Variants in POGLUT3 observed in about 807,000 individuals in gnomAD.
POGLUT3 encodes protein O-glucosyltransferase 3.
In POGLUT3, 48 loss-of-function variants were observed where a neutral mutation model predicts 54.3. That is an observed-to-expected ratio of 0.88 (90% CI 0.70 to 1.12). POGLUT3 has a LOEUF of 1.12. Ranked by LOEUF, POGLUT3 falls within the 50% of genes most tolerant of loss-of-function variation. POGLUT3 has a pLI of 0.00. For synonymous variants in POGLUT3, 218 were observed against 237.4 expected, an observed-to-expected ratio of 0.92 and a Z score of 0.75; for missense variants, 629 against 618.7, an observed-to-expected ratio of 1.02 and a Z score of -0.18.
chr11:108,498,028 A>C, intron 1 of POGLUT3, 137 bp downstream of exon 1: 2 of 645,048 alleles, frequency 3.1e-6, no homozygotes, highest in Non-Finnish European at 4.9e-6. Flanking sequence ...GGAGGAGGGA[A>C]GAGGAGCTGA....
At chr11:108,498,037 G>T in intron 1 of POGLUT3, 128 bp downstream of exon 1, 1 of 767,148 alleles carries the variant, frequency 1.3e-6, no homozygotes, top group Non-Finnish European at 1.9e-6. Flanking sequence ...AAGAGGAGCT[G>T]ACCAGACCCA....
At chr11:108,494,885 G>C (rs2093619400) in intron 1 of POGLUT3, among the ~76,000 whole-genome samples, 1 of 152,062 alleles carries the variant, frequency 6.6e-6, no homozygotes, top group East Asian at 1.9e-4. Context: ...GAATATAATA[G>C]TATCAACAGG....
At position 108,486,888 on chromosome 11, in the gene POGLUT3, G is replaced by T. The variant is rs1348980483; in HGVS notation, c.401-448C>A. 3 of 158,022 alleles carry T rather than the reference G, an allele frequency of 1.9e-5. No homozygotes were observed. In the South Asian group the frequency reaches 5.6e-4, roughly 29 times the overall value. 9.8% of individuals were successfully genotyped at this position (158,022 alleles called of 1,614,324 possible). On this transcript the variant is annotated intron_variant, in intron 2 of 7. Transcript: ENST00000323468. ...CTGAAAAACTAGTTCGGCCACGAAG[G>T]GAAAGGGGAACCAGGCATGCCTCAT...
At position 108,486,428 on chromosome 11, in the gene POGLUT3, T is replaced by C. The variant is rs2093603630; in HGVS notation, c.413A>G (p.His138Arg). ...SPYILKGPVY[H>R]EYCECPEDPQ... ...ATCTTCCGGACACTCACAGTACTCA[T>C]GGTACACTGGTCCTAGGGAAGGAAA... The change falls in exon 3 of 8, where the codon CAT becomes CGT. Residue 138 changes from histidine to arginine, a missense_variant. His to Arg is a conservative substitution (Grantham distance 29). Coordinates refer to ENST00000323468, the MANE Select transcript of POGLUT3 (RefSeq NM_153705.5). 2 of 1,613,688 alleles carry C rather than the reference T, an allele frequency of 1.2e-6. No individual in the cohort carries two copies. The highest frequency in any genetic ancestry group is 4.5e-5 in the East Asian group (2 of 44,856).
In POGLUT3 at chr11:108,472,812, A is replaced by T. The variant is rs1239638818; in HGVS notation, c.*2015T>A. 6.6e-6 allele frequency: 1 copy of T among 152,206 alleles called. No individual in the cohort carries two copies. The highest frequency in any genetic ancestry group is 1.5e-5 in the Non-Finnish European group (1 of 68,036). The allele number at this position is 152,206 out of a possible 1,614,324, so 9.4% of individuals were successfully genotyped here. On this transcript the variant is annotated 3_prime_UTR_variant, in exon 8 of 8. Transcript: ENST00000323468. ...ACAATATTTAAGACACAAATTCATT[A>T]GGTATGGGCTCAGGACAGCTTGCTC...
Position 108,473,692 on chromosome 11 carries a change from ATGAATGCCTTTCACCTGACTACAGT to A in POGLUT3, c.*1110_*1134del, listed in dbSNP as rs1422725854. The A allele has an allele frequency of 6.6e-6, 1 of 152,216 alleles. No homozygotes were observed. The highest frequency in any genetic ancestry group is 1.5e-5 in the Non-Finnish European group (1 of 68,044). 9.4% of individuals were successfully genotyped at this position (152,216 alleles called of 1,614,324 possible). A position where few individuals can be genotyped will look rare whatever the true frequency, so the allele number is the denominator to read the frequency against. On this transcript the variant is annotated 3_prime_UTR_variant, in exon 8 of 8. Coordinates refer to ENST00000323468, the MANE Select transcript of POGLUT3 (RefSeq NM_153705.5). The stretch of plus-strand genomic sequence containing the variant: ...GGATCCCCTTTTCAGCTTAAAAATA[ATGAATGCCTTTCACCTGACTACAGT>A]TATCTTTCACCTATTCAATATAGAG...
At chr11:108,476,017 G>C (rs2093581014) in intron 7 of POGLUT3, among the ~76,000 whole-genome samples, 1 of 152,100 alleles carries the variant, frequency 6.6e-6, no homozygotes, top group Non-Finnish European at 1.5e-5. Flanking sequence ...TGGTGGTGTA[G>C]TCCCAGCTAC....
intron 2 of POGLUT3, chr11:108,486,656 A>G: frequency 1.9e-6 from 1 of 514,456 alleles, no homozygotes. Context: ...GCCCTCTCCC[A>G]ATCTAACCTA....
rs1025710429 is a variant in POGLUT3, at chr11:108,472,809, A to G, written c.*2018T>C. ...TGTACAATATTTAAGACACAAATTC[A>G]TTAGGTATGGGCTCAGGACAGCTTG... On this transcript the variant is annotated 3_prime_UTR_variant, in exon 8 of 8. Transcript: ENST00000323468. 8.5e-5 allele frequency: 13 copies of G among 152,192 alleles called. No individual in the cohort carries two copies. 9.4% of individuals were successfully genotyped at this position (152,192 alleles called of 1,614,324 possible).
chr11:108,492,051 A>G (rs1335627387), intron 1 of POGLUT3, among the ~76,000 whole-genome samples: 1 of 151,874 alleles, frequency 6.6e-6, no homozygotes, highest in Non-Finnish European at 1.5e-5. Flanking sequence ...GAGAGATTAC[A>G]GCTAGTTACC....
chr11:108,481,382 A>G lies in POGLUT3; in HGVS notation c.902-6T>C, dbSNP rs2093592219. On this transcript the variant is annotated splice_polypyrimidine_tract_variant and splice_region_variant and intron_variant, in intron 4 of 7. Transcript: ENST00000323468. ...TTTATTGATCCAGGAAGGCCCTACA[A>G]GTTTGAAGCCATAAAAAAATTAGGA... 1 of 1,552,544 alleles carries G rather than the reference A, an allele frequency of 6.4e-7. No individual in the cohort carries two copies.
chr11:108,498,160 A>C lies in POGLUT3; in HGVS notation c.202+5T>G. The C allele has an allele frequency of 1.3e-6, 2 of 1,507,984 alleles. No homozygotes were observed. The highest frequency in any genetic ancestry group is 1.8e-6 in the Non-Finnish European group (2 of 1,129,302). 93.4% of individuals were successfully genotyped at this position (1,507,984 alleles called of 1,614,324 possible). ...GGACGAGGGAGGCCGGCGGCTGGAC[A>C]CTACCTGCGGGAGAGCGAGTGAGGT... On this transcript the variant is annotated splice_donor_5th_base_variant and intron_variant, in intron 1 of 7. Coordinates refer to ENST00000323468, the MANE Select transcript of POGLUT3 (RefSeq NM_153705.5).
At position 108,481,269 on chromosome 11, in the gene POGLUT3, C is replaced by T; in HGVS notation, c.1009G>A (p.Asp337Asn). 6.2e-7 allele frequency: 1 copy of T among 1,613,268 alleles called. No individual in the cohort carries two copies. The highest frequency in any genetic ancestry group is 8.5e-7 in the Non-Finnish European group (1 of 1,179,684). The change falls in exon 5 of 8, where the codon GAT becomes AAT. Residue 337 changes from aspartate to asparagine, a missense_variant. Asp to Asn is a conservative substitution (Grantham distance 23). Transcript: ENST00000323468. ...QLSKENPQLL[D>N]AGITGYFFFQ... Reference sequence around the variant, plus strand: ...AAGAAATATCCTGTAATTCCTGCATCTAGTAGCTGAGGATTTTCTTTGGAC... The same window carrying T: ...AAGAAATATCCTGTAATTCCTGCATTTAGTAGCTGAGGATTTTCTTTGGAC...
intron 1 of POGLUT3, among the ~76,000 whole-genome samples, chr11:108,493,548 G>T (rs1363397621): frequency 6.6e-6 from 1 of 152,200 alleles, no homozygotes; most frequent in Non-Finnish European, 1.5e-5. Context: ...GCTCACGCCT[G>T]TAATCCGAGC....
intron 2 of POGLUT3, 100 bp from the exon 3 acceptor site, chr11:108,486,540 C>CT: frequency 3.2e-5 from 40 of 1,233,546 alleles, no homozygotes; most frequent in East Asian, 4.8e-5. Context: ...CTAAGATTAT[C>CT]CAGAGATAAT....
At chr11:108,488,305 G>GT (rs2093607341) in intron 2 of POGLUT3, among the ~76,000 whole-genome samples, 1 of 152,222 alleles carries the variant, frequency 6.6e-6, no homozygotes, top group African/African-American at 2.4e-5. Context: ...GATTACAGGC[G>GT]TGAGTCACCG....
rs772465165 is a variant in POGLUT3, at chr11:108,477,697, T to C, written c.1308A>G (p.Glu436=). The C allele has an allele frequency of 6.2e-7, 1 of 1,608,890 alleles. No individual in the cohort carries two copies. Among genetic ancestry groups the C allele is most frequent in the South Asian group, 1.1e-5 (1 of 90,754 alleles). ...KVKWAKENDE[E]AKKIAKEGQL... ...GTCCTTCTTTTGCAATCTTCTTGGCTTCTTCATCATTTTCCTGAAAGGTTA... is the reference window on the plus strand; with the variant it reads ...GTCCTTCTTTTGCAATCTTCTTGGCCTCTTCATCATTTTCCTGAAAGGTTA... Residue 436 remains glutamate, a synonymous_variant, in exon 7 of 8, where the codon GAA becomes GAG. Coordinates refer to ENST00000323468, the MANE Select transcript of POGLUT3 (RefSeq NM_153705.5).
intron 2 of POGLUT3, among the ~76,000 whole-genome samples, chr11:108,489,374 A>G (rs1437319084): frequency 1.3e-5 from 2 of 152,208 alleles, no homozygotes; most frequent in African/African-American, 4.8e-5. Flanking sequence ...TTAAATTCCA[A>G]GAAGTTCCAC....
chr11:108,479,424 A>G lies in POGLUT3; in HGVS notation c.1170T>C (p.Ser390=). ...ATGGCGAGTCCTGCTTTAAAACCAG[A>G]CTGTCGCCCAGCATGAGATATGGAT... ...YRYPYLMLGD[S]LVLKQDSPYY... The change falls in exon 6 of 8, where the codon AGT becomes AGC. Residue 390 remains serine (S), a synonymous_variant. Transcript: ENST00000323468. The G allele has an allele frequency of 6.2e-7, 1 of 1,613,284 alleles. No homozygotes were observed. Among genetic ancestry groups the G allele is most frequent in the Non-Finnish European group, 8.5e-7 (1 of 1,179,896 alleles).
Sources: allele counts gnomAD v4.1 joint callset (sites outside exome capture counted in the v4.1 genomes callset), GRCh38; gene constraint gnomAD v4.1.1; transcripts MANE v1.5; gene names NCBI Gene and HGNC (gene_info 2026-07-23, HGNC 2026-07-21).